RABGAP1L: variants seen among roughly 807,000 people sequenced by gnomAD.
RABGAP1L encodes the protein RAB GTPase activating protein 1 like, also known as rab GTPase-activating protein 1-like.
In RABGAP1L, 63 loss-of-function variants were observed where a neutral mutation model predicts 137.7. The observed-to-expected ratio is 0.46, with a 90% CI of 0.37 to 0.56. The LOEUF is 0.56. RABGAP1L is among the 20% of genes least tolerant of loss of function. RABGAP1L has a pLI of 0.00. For synonymous variants in RABGAP1L, 431 were observed against 433.7 expected (o/e 0.99, Z 0.08); for missense variants, 1,095 against 1,244.0 (o/e 0.88, Z 1.80).
At chr1:174,709,723 A>G (rs780807975) in intron 17 of RABGAP1L, among the ~76,000 whole-genome samples, 1 of 152,222 alleles carries the variant, frequency 6.6e-6, no homozygotes, top group Non-Finnish European at 1.5e-5. Flanking sequence ...GATGAGGAAA[A>G]GCCAGCGCAA....
At chr1:174,615,028 A>G (rs1426473613) in intron 13 of RABGAP1L, among the ~76,000 whole-genome samples, 6 of 152,144 alleles carry the variant, frequency 3.9e-5, no homozygotes, top group African/African-American at 1.2e-4. Flanking sequence ...TTTGAATTTC[A>G]TCCTGTAGCT....
intron 19 of RABGAP1L, among the ~76,000 whole-genome samples, chr1:174,900,031 A>G (rs905132361): frequency 1.3e-5 from 2 of 152,170 alleles, no homozygotes; most frequent in African/African-American, 2.4e-5. Context: ...GCTACTAGAG[A>G]TACAGATTTT....
At chr1:174,547,365 C>A (rs763113908) in intron 13 of RABGAP1L, among the ~76,000 whole-genome samples, 5 of 152,104 alleles carry the variant, frequency 3.3e-5, no homozygotes, top group Admixed American at 6.5e-5. Context: ...ACCTGTAATC[C>A]TGGTACTTTG....
chr1:174,805,080 C>T (rs913688), intron 18 of RABGAP1L, among the ~76,000 whole-genome samples: 95,816 of 152,060 alleles, frequency 0.63, 33,428 homozygotes, highest in East Asian at 0.93. Flanking sequence ...GTCCTAAATA[C>T]ACTCCATAAT....
intron 20 of RABGAP1L, among the ~76,000 whole-genome samples, chr1:174,963,494 A>G (rs1669348880): frequency 6.6e-6 from 1 of 152,106 alleles, no homozygotes; most frequent in Admixed American, 6.6e-5. Flanking sequence ...TAGTATGTTT[A>G]CTGGTGATCT....
At chr1:174,879,510 G>T (rs1241251416) in intron 19 of RABGAP1L, among the ~76,000 whole-genome samples, 1 of 152,088 alleles carries the variant, frequency 6.6e-6, no homozygotes, top group Non-Finnish European at 1.5e-5. Context: ...TGGGATTGCA[G>T]GTGTGAGCCA....
chr1:174,310,037 A>T (rs376883252), intron 11 of RABGAP1L, among the ~76,000 whole-genome samples: 3,576 of 151,678 alleles, frequency 0.024, 135 homozygotes, highest in African/African-American at 0.083. Context: ...ATCCAGTGTT[A>T]TTACTCATTA....
chr1:174,755,782 G>A (rs1490299217), intron 18 of RABGAP1L, among the ~76,000 whole-genome samples: 1 of 152,198 alleles, frequency 6.6e-6, no homozygotes, highest in African/African-American at 2.4e-5. Context: ...GAAGAACAGT[G>A]TGAAAGGATG....
intron 12 of RABGAP1L, among the ~76,000 whole-genome samples, chr1:174,392,724 C>A (rs1337603628): frequency 6.6e-6 from 1 of 152,080 alleles, no homozygotes; most frequent in Admixed American, 6.6e-5. Context: ...GGGGTTTGAG[C>A]TAGAGGTAGA....
At position 174,477,883 on chromosome 1, in the gene RABGAP1L, A is replaced by AT. The variant is rs201312046; in HGVS notation, c.1710+83745dup. ...GCATTTAGAGATCAGTCATTTAGAG[A>AT]TTTTTTTCAAGTATTTATATAAAAC... On this transcript the variant is annotated intron_variant, in intron 13 of 25. Transcript: ENST00000681986. 2.3e-3 allele frequency among the ~76,000 whole-genome samples: 355 copies of AT among 152,178 alleles called. 1 individual carries two copies. The highest frequency in any genetic ancestry group is 8.1e-3 in the African/African-American group (337 of 41,520).
At chr1:174,199,247 A>G (rs1315023544) in intron 1 of RABGAP1L, among the ~76,000 whole-genome samples, 1 of 152,148 alleles carries the variant, frequency 6.6e-6, no homozygotes, top group African/African-American at 2.4e-5. Flanking sequence ...TCGACCAGTA[A>G]GATCTTGAGT....
chr1:174,976,242 T>C (rs1298845004), intron 22 of RABGAP1L, 60 bp downstream of exon 22: 1 of 1,320,818 alleles, frequency 7.6e-7, no homozygotes, highest in East Asian at 2.5e-5. Context: ...GAATTAACAC[T>C]ATAAAAAAGA....
chr1:174,757,341 C>T (rs545534933), intron 18 of RABGAP1L, among the ~76,000 whole-genome samples: 1 of 152,172 alleles, frequency 6.6e-6, no homozygotes, highest in South Asian at 2.1e-4. Flanking sequence ...TATCTGATAT[C>T]TCTGGGGTAA....
At chr1:174,208,015 A>G (rs1358365470) in intron 1 of RABGAP1L, among the ~76,000 whole-genome samples, 2 of 152,196 alleles carry the variant, frequency 1.3e-5, no homozygotes, top group Admixed American at 1.3e-4. Flanking sequence ...TGAACATTGA[A>G]TATCTCTACA....
chr1:174,493,432 C>G (rs1390850510), intron 13 of RABGAP1L, among the ~76,000 whole-genome samples: 3 of 151,636 alleles, frequency 2.0e-5, no homozygotes, highest in African/African-American at 7.3e-5. Context: ...AAATAATACT[C>G]TCAGTCTAGG....
intron 13 of RABGAP1L, among the ~76,000 whole-genome samples, chr1:174,540,508 G>A (rs10798320): frequency 0.5 from 75,771 of 151,952 alleles, 21,443 homozygotes; most frequent in African/African-American, 0.79. Context: ...AGCTTTCTAC[G>A]TATGGCTAGC....
At chr1:174,875,442 C>A in intron 19 of RABGAP1L, 1 of 796,320 alleles carries the variant, frequency 1.3e-6, no homozygotes, top group Non-Finnish European at 1.5e-6. Flanking sequence ...TCTTGTTTGC[C>A]CCTGGGTGGT....
At chr1:174,842,024 G>A (rs1011296645) in intron 19 of RABGAP1L, among the ~76,000 whole-genome samples, 3 of 152,178 alleles carry the variant, frequency 2.0e-5, no homozygotes, top group Non-Finnish European at 4.4e-5. Context: ...CTGATTTATA[G>A]CAGTTTTAAA....
At chr1:174,441,678 G>A (rs532680342) in intron 13 of RABGAP1L, among the ~76,000 whole-genome samples, 2 of 152,094 alleles carry the variant, frequency 1.3e-5, no homozygotes, top group Non-Finnish European at 2.9e-5. Flanking sequence ...AGGTTGCAGT[G>A]AGCCGAGATC....
Sources: gnomAD v4.1 joint callset for allele counts (sites outside exome capture counted in the v4.1 genomes callset) on GRCh38, gnomAD v4.1.1 for gene constraint, MANE v1.5 for transcripts, NCBI Gene and HGNC (gene_info 2026-07-23, HGNC 2026-07-21) for gene names.